Variants in JAKMIP2 observed in about 807,000 individuals in gnomAD.
The protein encoded by JAKMIP2 is janus kinase and microtubule-interacting protein 2.
In JAKMIP2, 25 loss-of-function variants were observed where a neutral mutation model predicts 115.0. The observed-to-expected ratio is 0.22, with a 90% CI of 0.16 to 0.30. The LOEUF (loss-of-function observed/expected upper bound fraction) is 0.30. JAKMIP2 is among the 10% of genes least tolerant of loss of function. The pLI is 1.00. For missense variants in JAKMIP2, 642 were observed against 957.6 expected, an observed-to-expected ratio of 0.67 and a Z score of 4.35; for synonymous variants, 334 against 343.6, an observed-to-expected ratio of 0.97 and a Z score of 0.31.
chr5:147,600,087 G>GTTTTTTTT (rs369043130), intron 21 of JAKMIP2, among the ~76,000 whole-genome samples: 3 of 67,944 alleles, frequency 4.4e-5, no homozygotes, highest in African/African-American at 1.2e-4. Flanking sequence ...TTTATTTACT[G>GTTTTTTTT]TTTTTTTTTT....
At chr5:147,683,371 A>G (rs1760402814) in intron 1 of JAKMIP2, among the ~76,000 whole-genome samples, 2 of 152,178 alleles carry the variant, frequency 1.3e-5, no homozygotes. Context: ...ACCTGCCTGT[A>G]ATCTCAGCTA....
At chr5:147,768,596 T>C (rs1755235996) in intron 1 of JAKMIP2, among the ~76,000 whole-genome samples, 1 of 152,144 alleles carries the variant, frequency 6.6e-6, no homozygotes, top group African/African-American at 2.4e-5. Flanking sequence ...ATGTGAGTTA[T>C]TTTAACATTC....
chr5:147,710,961 A>G lies in JAKMIP2; in HGVS notation c.-148-39007T>C, dbSNP rs141468722. ...ACAGAGGAATAAAAATCTTTCTACT[A>G]TTTCCTATTTAAACCAAAAGTCTTA... On this transcript the variant is annotated intron_variant, in intron 1 of 21. Transcript: ENST00000616793. Among the ~76,000 whole-genome samples, 30 of 152,348 alleles carry G rather than the reference A, an allele frequency of 2.0e-4. No homozygotes were observed. In the East Asian group the frequency reaches 4.8e-3, roughly 24 times the overall value.
chr5:147,687,697 G>C (rs1760638554), intron 1 of JAKMIP2, among the ~76,000 whole-genome samples: 1 of 152,074 alleles, frequency 6.6e-6, no homozygotes, highest in South Asian at 2.1e-4. Context: ...CCCTTCACAC[G>C]ACAGGTAAAA....
intron 1 of JAKMIP2, among the ~76,000 whole-genome samples, chr5:147,703,633 C>T (rs927693126): frequency 4.7e-5 from 7 of 148,446 alleles, no homozygotes; most frequent in Admixed American, 2.7e-4. Context: ...CACTATGTTT[C>T]CCAGGCTGGT....
At chr5:147,638,501 A>T (rs1361112041) in intron 10 of JAKMIP2, among the ~76,000 whole-genome samples, 1 of 152,204 alleles carries the variant, frequency 6.6e-6, no homozygotes, top group Non-Finnish European at 1.5e-5. Flanking sequence ...CTTTGTAATG[A>T]TTGCTTGCCT....
intron 7 of JAKMIP2, among the ~76,000 whole-genome samples, chr5:147,642,997 A>T (rs1757954372): frequency 6.6e-6 from 1 of 151,996 alleles, no homozygotes; most frequent in Non-Finnish European, 1.5e-5. Flanking sequence ...CTGCCCTGGA[A>T]CATCAGACTC....
intron 1 of JAKMIP2, among the ~76,000 whole-genome samples, chr5:147,770,674 C>T (rs1755319420): frequency 6.6e-6 from 1 of 151,938 alleles, no homozygotes; most frequent in Non-Finnish European, 1.5e-5. Context: ...GGTGAAATTC[C>T]TGTGAAACTG....
intron 1 of JAKMIP2, among the ~76,000 whole-genome samples, chr5:147,724,557 C>A (rs980849623): frequency 8.5e-5 from 13 of 152,136 alleles, no homozygotes; most frequent in African/African-American, 2.9e-4. Context: ...AAACCATTAT[C>A]ATTTTAATGT....
chr5:147,664,076 C>A (rs754116035), intron 2 of JAKMIP2, among the ~76,000 whole-genome samples: 5 of 152,044 alleles, frequency 3.3e-5, no homozygotes, highest in African/African-American at 7.2e-5. Flanking sequence ...TTATTCTAAA[C>A]GATATTATTA....
Position 147,640,694 on chromosome 5 carries a change from A to G in JAKMIP2, c.1401+10T>C. On this transcript the variant is annotated intron_variant, in intron 9 of 21. Transcript: ENST00000616793. ...ATATCACCCTAGGCTAGAGAAGTAG[A>G]AAAGCTTACTTCATCCAAGTCATCA... The G allele has an allele frequency of 6.2e-7, 1 of 1,613,292 alleles. No individual in the cohort carries two copies. Among genetic ancestry groups the G allele is most frequent in the Non-Finnish European group, 8.5e-7 (1 of 1,179,566 alleles).
intron 20 of JAKMIP2, among the ~76,000 whole-genome samples, chr5:147,603,770 G>C (rs539764605): frequency 6.6e-6 from 1 of 152,180 alleles, no homozygotes; most frequent in Non-Finnish European, 1.5e-5. Context: ...GTTCAGACCC[G>C]TAAAGTGTAC....
chr5:147,782,323 ATC>A, intron 1 of JAKMIP2, 131 bp downstream of exon 1: 1 of 878,444 alleles, frequency 1.1e-6, no homozygotes, highest in Non-Finnish European at 1.8e-6. Flanking sequence ...CTCCATCCTC[ATC>A]TCTGTCTCCA....
At chr5:147,761,605 G>T (rs1754931495) in intron 1 of JAKMIP2, among the ~76,000 whole-genome samples, 1 of 152,084 alleles carries the variant, frequency 6.6e-6, no homozygotes, top group Non-Finnish European at 1.5e-5. Flanking sequence ...GAGAAAAGTG[G>T]CACTTAGAAA....
intron 1 of JAKMIP2, among the ~76,000 whole-genome samples, chr5:147,778,843 G>A (rs941432139): frequency 3.3e-5 from 5 of 151,968 alleles, no homozygotes; most frequent in Admixed American, 6.6e-5. Flanking sequence ...GCTAGCATAC[G>A]CAAATGCTGC....
chr5:147,660,887 A>T, intron 3 of JAKMIP2, 61 bp downstream of exon 3: 1 of 1,562,340 alleles, frequency 6.4e-7, no homozygotes, highest in Middle Eastern at 2.1e-4. Context: ...CAAACCCCAC[A>T]GCGCTCTGAA....
At chr5:147,662,338 C>G (rs1272804573) in intron 2 of JAKMIP2, among the ~76,000 whole-genome samples, 3 of 152,128 alleles carry the variant, frequency 2.0e-5, no homozygotes, top group African/African-American at 4.8e-5. Flanking sequence ...TCCTGCCCCA[C>G]AAGCCAACAC....
At chr5:147,618,813 G>A (rs1029565215) in intron 18 of JAKMIP2, among the ~76,000 whole-genome samples, 2 of 152,144 alleles carry the variant, frequency 1.3e-5, no homozygotes, top group East Asian at 1.9e-4. Flanking sequence ...CATCTACCAC[G>A]GTGGCCATAC....
chr5:147,631,418 C>G lies in JAKMIP2; in HGVS notation c.1870G>C (p.Val624Leu). 1 of 1,588,348 alleles carries G rather than the reference C, an allele frequency of 6.3e-7. No homozygotes were observed. Among genetic ancestry groups the G allele is most frequent in the Non-Finnish European group, 8.6e-7 (1 of 1,163,244 alleles). The change falls in exon 14 of 22, where the codon GTT becomes CTT. Residue 624 changes from valine (V) to leucine (L), a missense_variant. Coordinates refer to ENST00000616793, the MANE Select transcript of JAKMIP2 (RefSeq NM_001270941.2). ...ALQIYCMKEG[V>L]KDVNIPDLIK... Reference sequence around the variant, plus strand: ...AAAATGAAATATCTGCCTACCTTAACACCTTCTTTCATACAGTAGATCTGT... The same window carrying G: ...AAAATGAAATATCTGCCTACCTTAAGACCTTCTTTCATACAGTAGATCTGT...
Sources: gnomAD v4.1 joint callset for allele counts (sites outside exome capture counted in the v4.1 genomes callset) on GRCh38, gnomAD v4.1.1 for gene constraint, MANE v1.5 for transcripts, NCBI Gene and HGNC (gene_info 2026-07-23, HGNC 2026-07-21) for gene names.